The following UPB1 variants were observed in gnomAD, a reference collection of about 807,000 sequenced individuals.
UPB1 encodes beta-ureidopropionase.
A neutral mutation model predicts 49.1 loss-of-function variants in UPB1; 40 were observed. The ratio of observed to expected loss-of-function variants is 0.81; its 90% CI spans 0.63 to 1.06. The LOEUF (loss-of-function observed/expected upper bound fraction) is 1.06. Among genes scored for constraint, UPB1 ranks in the 50% least tolerant of loss-of-function variants. UPB1 has a pLI of 0.00. For synonymous variants in UPB1, 207 were observed against 198.2 expected (o/e 1.04, Z -0.38); for missense variants, 499 against 505.9 (o/e 0.99, Z 0.13).
In UPB1 at chr22:24,526,169, G is replaced by A. The variant is rs2044478858; in HGVS notation, c.*375G>A. 2 of 347,414 alleles carry A rather than the reference G, an allele frequency of 5.8e-6. No individual in the cohort carries two copies. The highest frequency in any genetic ancestry group is 1.1e-5 in the Non-Finnish European group (2 of 178,050). The allele number at this position is 347,414 out of a possible 1,614,324, so 21.5% of individuals were successfully genotyped here. Reference sequence around the variant, plus strand: ...CATCCCGTACACCAGTGGGAAGAGGGTGAGGGCTGATCCAGAGACCCTGAG... The same window carrying A: ...CATCCCGTACACCAGTGGGAAGAGGATGAGGGCTGATCCAGAGACCCTGAG... On this transcript the variant is annotated 3_prime_UTR_variant, in exon 10 of 10. Coordinates refer to ENST00000326010, the MANE Select transcript of UPB1 (RefSeq NM_016327.3).
chr22:24,499,992 A>G, intron 1 of UPB1, 115 bp from the exon 2 acceptor site: 2 of 1,537,224 alleles, frequency 1.3e-6, no homozygotes, highest in African/African-American at 1.4e-5. Context: ...AGCGCCTTCT[A>G]GCCAGGACAT....
At chr22:24,501,382 A>C (rs2043991843) in intron 2 of UPB1, among the ~76,000 whole-genome samples, 1 of 152,220 alleles carries the variant, frequency 6.6e-6, no homozygotes, top group Non-Finnish European at 1.5e-5. Context: ...GCCAAGGACA[A>C]GCAGACAATG....
At chr22:24,498,703 G>A (rs1205236826) in intron 1 of UPB1, among the ~76,000 whole-genome samples, 1 of 152,130 alleles carries the variant, frequency 6.6e-6, no homozygotes, top group Non-Finnish European at 1.5e-5. Flanking sequence ...CTTCAGCCAG[G>A]TGGTGGTTAC....
rs35606558 is a variant in UPB1, at chr22:24,504,723, CTTTTT to C, written c.364+2528_364+2532del. ...CCCTAATTTTGTTATGTATTTCCTC[CTTTTT>C]TTTTTTTTTTTTTTTTTGATACGTG... On this transcript the variant is annotated intron_variant, in intron 3 of 9. Transcript: ENST00000326010. Among the ~76,000 whole-genome samples the C allele has an allele frequency of 4.4e-5, 4 of 91,774 alleles. No individual in the cohort carries two copies. The South Asian group carries it at 1.1e-3, about 25-fold the overall frequency. The allele number at this position is 91,774 out of a possible 152,430, so 60.2% of individuals were successfully genotyped here. A position where few individuals can be genotyped will look rare whatever the true frequency, so the allele number is the denominator to read the frequency against.
intron 3 of UPB1, among the ~76,000 whole-genome samples, chr22:24,503,981 C>G (rs2044040122): frequency 6.6e-6 from 1 of 152,228 alleles, no homozygotes; most frequent in South Asian, 2.1e-4. Flanking sequence ...GAGTGGTAGT[C>G]AGGCAGGGAC....
chr22:24,519,290 T>G (rs187428116), intron 6 of UPB1, among the ~76,000 whole-genome samples: 1 of 152,266 alleles, frequency 6.6e-6, no homozygotes, highest in Non-Finnish European at 1.5e-5. Context: ...ACCTACTCCC[T>G]GGTTTAAACC....
At chr22:24,503,471 G>A (rs2147006511) in intron 3 of UPB1, 1 of 152,142 alleles carries the variant, frequency 6.6e-6, no homozygotes, top group South Asian at 2.1e-4. Context: ...ATAGATTTAT[G>A]TTGCCTCGGC....
intron 2 of UPB1, among the ~76,000 whole-genome samples, chr22:24,501,424 G>GT (rs2043992643): frequency 6.6e-6 from 1 of 152,364 alleles, no homozygotes; most frequent in Admixed American, 6.5e-5. Context: ...CAAGGAGCCT[G>GT]TGGGGTCCTG....
At chr22:24,510,865 T>A in intron 4 of UPB1, 22 bp downstream of exon 4, 2 of 1,612,036 alleles carry the variant, frequency 1.2e-6, no homozygotes, top group Non-Finnish European at 1.7e-6. Flanking sequence ...ACGGTGCCTC[T>A]GGCAGCAGCT....
intron 9 of UPB1, 107 bp downstream of exon 9, chr22:24,523,880 TC>T: frequency 6.5e-7 from 1 of 1,540,094 alleles, no homozygotes; most frequent in Non-Finnish European, 8.9e-7. Flanking sequence ...AGGTACCAGC[TC>T]CCACCTGAGG....
At chr22:24,522,437 G>A (rs1409883333) in intron 8 of UPB1, among the ~76,000 whole-genome samples, 1 of 152,194 alleles carries the variant, frequency 6.6e-6, no homozygotes, top group Non-Finnish European at 1.5e-5. Context: ...TGGCATGGAT[G>A]GCCCTGGGTT....
chr22:24,513,634 C>A, intron 5 of UPB1, 149 bp downstream of exon 5: 1 of 1,160,322 alleles, frequency 8.6e-7, no homozygotes, highest in Non-Finnish European at 1.2e-6. Context: ...GGCTGCAGTG[C>A]TCAGAGGGTT....
At chr22:24,525,605 C>A in intron 9 of UPB1, 106 bp from the exon 10 acceptor site, 3 of 1,325,776 alleles carry the variant, frequency 2.3e-6, no homozygotes, top group South Asian at 2.4e-5. Context: ...CTTCCTGATG[C>A]GTTCCTGCCC....
intron 1 of UPB1, 93 bp downstream of exon 1, chr22:24,495,600 C>T: frequency 2.2e-6 from 3 of 1,394,152 alleles, no homozygotes; most frequent in Non-Finnish European, 2.0e-6. Flanking sequence ...GTCTGAAGGG[C>T]TCAGGGGAGG....
rs2044434164 is a variant in UPB1 at position 24,523,641 on chromosome 22, T to C, written c.939T>C (p.Phe313=). Residue 313 remains phenylalanine, a synonymous_variant, in exon 9 of 10, where the codon TTT becomes TTC. Transcript: ENST00000326010. ...GKKAHQDFGY[F]YGSSYVAAPD... is the part of the protein sequence containing the mutation. ...AAGCTCACCAGGACTTTGGCTACTT[T>C]TATGGCTCGAGCTATGTGGCAGCCC... The C allele has an allele frequency of 3.7e-6, 6 of 1,614,264 alleles. No individual in the cohort carries two copies. The highest frequency in any genetic ancestry group is 1.3e-5 in the African/African-American group (1 of 75,070).
chr22:24,515,710 T>A (rs1033275591), intron 6 of UPB1, among the ~76,000 whole-genome samples: 2 of 152,128 alleles, frequency 1.3e-5, no homozygotes, highest in African/African-American at 4.8e-5. Context: ...GCTCGGTGGC[T>A]CACACCTGTA....
In UPB1 at chr22:24,495,515, G is replaced by A. The variant is rs752757049; in HGVS notation, c.104+8G>A. ...CTATGGCAAGGAACTCAGGTCCGCA[G>A]CCAAGAGGCTAAGCTAATGGGGTCT... On this transcript the variant is annotated splice_region_variant and intron_variant, in intron 1 of 9. Transcript: ENST00000326010. 22 of 1,613,766 alleles carry A rather than the reference G, an allele frequency of 1.4e-5. No individual in the cohort carries two copies. The Middle Eastern group carries it at 4.9e-4, about 36-fold the overall frequency.
intron 3 of UPB1, among the ~76,000 whole-genome samples, chr22:24,510,404 T>C (rs534059410): frequency 2.0e-5 from 3 of 152,332 alleles, no homozygotes; most frequent in African/African-American, 2.4e-5. Context: ...TATATATATA[T>C]ACCACATTTT....
In UPB1 at chr22:24,495,490, C is replaced by T; in HGVS notation, c.87C>T (p.Leu29=). The T allele has an allele frequency of 6.2e-7, 1 of 1,614,082 alleles. No individual in the cohort carries two copies. Among genetic ancestry groups the T allele is most frequent in the African/African-American group, 1.3e-5 (1 of 75,062 alleles). ...LPDLQEVKRV[L]YGKELRKLDL... ...ACTTGCAGGAAGTGAAGCGCGTTCT[C>T]TATGGCAAGGAACTCAGGTCCGCAG... Residue 29 remains leucine (L), a synonymous_variant, in exon 1 of 10, where the codon CTC becomes CTT. Transcript: ENST00000326010.
Sources: gnomAD v4.1 joint callset for allele counts (sites outside exome capture counted in the v4.1 genomes callset) on GRCh38, gnomAD v4.1.1 for gene constraint, MANE v1.5 for transcripts, NCBI Gene and HGNC (gene_info 2026-07-23, HGNC 2026-07-21) for gene names.